MPDZ: variants seen among roughly 807,000 people sequenced by gnomAD.
MPDZ encodes the protein multiple PDZ domain crumbs cell polarity complex component, also known as multiple PDZ domain protein.
A neutral mutation model predicts 239.1 loss-of-function variants in MPDZ; 234 were observed. That is an observed-to-expected ratio of 0.98 (90% CI 0.88 to 1.09). MPDZ has a LOEUF of 1.09. Among genes scored for constraint, MPDZ ranks in the 50% least tolerant of loss-of-function variants. MPDZ has a pLI of 0.00. For missense variants in MPDZ, 3,175 were observed against 2,510.0 expected (o/e 1.26, Z -5.66); for synonymous variants, 1,048 against 881.3 (o/e 1.19, Z -3.35).
intron 35 of MPDZ, among the ~76,000 whole-genome samples, chr9:13,123,775 T>C (rs1196516134): frequency 6.6e-6 from 1 of 152,248 alleles, no homozygotes. Flanking sequence ...TTGGTTCTGA[T>C]GCCTGCTTTT....
At chr9:13,220,215 T>C (rs1412435803) in intron 7 of MPDZ, among the ~76,000 whole-genome samples, 1 of 151,996 alleles carries the variant, frequency 6.6e-6, no homozygotes, top group Non-Finnish European at 1.5e-5. Flanking sequence ...TGGCTATTTC[T>C]ATTATAAATG....
chr9:13,240,637 A>T (rs978287623), intron 3 of MPDZ, among the ~76,000 whole-genome samples: 1 of 151,218 alleles, frequency 6.6e-6, no homozygotes, highest in Non-Finnish European at 1.5e-5. Flanking sequence ...ACAGACCTCA[A>T]ATTCTCTTAA....
At chr9:13,168,334 C>A in intron 22 of MPDZ, 32 bp downstream of exon 22, 2 of 1,581,416 alleles carry the variant, frequency 1.3e-6, no homozygotes, top group South Asian at 1.1e-5. Context: ...CCTGAATTTC[C>A]CAAGTTAAAC....
At chr9:13,185,050 G>A (rs1012687514) in intron 18 of MPDZ, among the ~76,000 whole-genome samples, 7 of 151,948 alleles carry the variant, frequency 4.6e-5, no homozygotes, top group Non-Finnish European at 8.8e-5. Context: ...TGTATCCTGT[G>A]ACATTTCAAA....
At chr9:13,127,033 C>A (rs1945224967) in intron 32 of MPDZ, among the ~76,000 whole-genome samples, 1 of 152,196 alleles carries the variant, frequency 6.6e-6, no homozygotes, top group Non-Finnish European at 1.5e-5. Flanking sequence ...GTAACTTTAG[C>A]AAAATATCTA....
chr9:13,114,931 A>C (rs957557371), intron 40 of MPDZ, among the ~76,000 whole-genome samples: 2 of 151,970 alleles, frequency 1.3e-5, no homozygotes, highest in Non-Finnish European at 2.9e-5. Flanking sequence ...AAAATAAATA[A>C]AATAATAAAA....
intron 26 of MPDZ, 26 bp from the exon 27 acceptor site, chr9:13,143,590 A>T (rs748100762): frequency 6.4e-7 from 1 of 1,569,402 alleles, no homozygotes; most frequent in South Asian, 1.1e-5. Flanking sequence ...AGAGGCGCTG[A>T]ACGCAAAGGA....
chr9:13,221,529 T>C (rs373301914), intron 6 of MPDZ, 29 bp from the exon 7 acceptor site: 29 of 1,598,276 alleles, frequency 1.8e-5, no homozygotes, highest in South Asian at 3.4e-5. Context: ...TATGAATTTG[T>C]AGAAATTTAC....
At chr9:13,164,668 T>C (rs1196277905) in intron 22 of MPDZ, among the ~76,000 whole-genome samples, 1 of 152,126 alleles carries the variant, frequency 6.6e-6, no homozygotes, top group Admixed American at 6.6e-5. Context: ...CAAAGTTGTT[T>C]TTTATTTTAC....
intron 1 of MPDZ, among the ~76,000 whole-genome samples, chr9:13,256,088 C>T (rs576163459): frequency 4.6e-5 from 7 of 152,346 alleles, no homozygotes; most frequent in African/African-American, 1.4e-4. Flanking sequence ...CTTGCTGCTT[C>T]ACCTTGCACT....
At chr9:13,116,509 GA>G (rs1943472102) in intron 39 of MPDZ, among the ~76,000 whole-genome samples, 1 of 152,146 alleles carries the variant, frequency 6.6e-6, no homozygotes, top group South Asian at 2.1e-4. Context: ...ATCATACTCT[GA>G]AAGGTCAAAA....
At position 13,137,050 on chromosome 9, in the gene MPDZ, C is replaced by A. The variant is rs10122431; in HGVS notation, c.4201-247G>T. Among the ~76,000 whole-genome samples the A allele has an allele frequency of 0.39, 59,688 of 151,886 alleles. 12,664 individuals carry two copies. Among genetic ancestry groups the A allele is most frequent in the African/African-American group, 0.55 (22,885 of 41,418 alleles). ...CATCCATGAACTGCTGATAAAGAGG[C>A]ACCACTTGGACCAACTGCAGGAGAG... On this transcript the variant is annotated intron_variant, in intron 29 of 46. Coordinates refer to ENST00000319217, the MANE Select transcript of MPDZ (RefSeq NM_001378778.1).
At chr9:13,211,166 A>G (rs1405715444) in intron 10 of MPDZ, among the ~76,000 whole-genome samples, 1 of 152,098 alleles carries the variant, frequency 6.6e-6, no homozygotes, top group Admixed American at 6.6e-5. Context: ...CTAATTTGCA[A>G]CTGTGTCTGA....
At chr9:13,147,792 C>T in intron 25 of MPDZ, 134 bp from the exon 26 acceptor site, 1 of 635,868 alleles carries the variant, frequency 1.6e-6, no homozygotes, top group Non-Finnish European at 2.7e-6. Flanking sequence ...ATTGAGACTA[C>T]ATGTGAAGCT....
chr9:13,193,794 A>G (rs986293977), intron 13 of MPDZ, among the ~76,000 whole-genome samples: 3 of 152,208 alleles, frequency 2.0e-5, no homozygotes, highest in Non-Finnish European at 4.4e-5. Context: ...TAAATAATGA[A>G]GAATATTAGA....
intron 1 of MPDZ, among the ~76,000 whole-genome samples, chr9:13,251,667 A>C (rs1968050254): frequency 6.6e-6 from 1 of 152,218 alleles, no homozygotes; most frequent in Non-Finnish European, 1.5e-5. Context: ...TTAAGACAAA[A>C]TTCATTTGGC....
chr9:13,115,583 T>G (rs557557843), intron 39 of MPDZ, among the ~76,000 whole-genome samples: 1 of 152,088 alleles, frequency 6.6e-6, no homozygotes, highest in Non-Finnish European at 1.5e-5. Context: ...TGGAGACTAC[T>G]TGTACCAAAA....
At chr9:13,255,049 C>T (rs1042466317) in intron 1 of MPDZ, among the ~76,000 whole-genome samples, 3 of 152,182 alleles carry the variant, frequency 2.0e-5, no homozygotes, top group Non-Finnish European at 4.4e-5. Context: ...AATCCTGCTC[C>T]TACTTTATCA....
At position 13,212,791 on chromosome 9, in the gene MPDZ, T is replaced by TAA. The variant is rs145889448; in HGVS notation, c.1290+3981_1290+3982dup. Among the ~76,000 whole-genome samples the TAA allele has an allele frequency of 3.0e-3, 335 of 110,534 alleles. 3 individuals are homozygous for TAA. Among genetic ancestry groups the TAA allele is most frequent in the South Asian group, 0.012 (37 of 3,192 alleles). The allele number at this position is 110,534 out of a possible 152,430, so 72.5% of individuals were successfully genotyped here. On this transcript the variant is annotated intron_variant, in intron 10 of 46. Coordinates refer to ENST00000319217, the MANE Select transcript of MPDZ (RefSeq NM_001378778.1). ...AGTTCAAGACCACCTGGTCAAGGTT[T>TAA]AAAAAAAAAAAAAAAAAAAAAAAGA...
Sources: allele counts gnomAD v4.1 joint callset (sites outside exome capture counted in the v4.1 genomes callset), GRCh38; gene constraint gnomAD v4.1.1; transcripts MANE v1.5; gene names NCBI Gene and HGNC (gene_info 2026-07-23, HGNC 2026-07-21).